GPHN: variants seen among roughly 807,000 people sequenced by gnomAD.
GPHN encodes gephyrin.
GPHN carries 17 observed loss-of-function variants against 95.5 expected under a neutral mutation model. That is an observed-to-expected ratio of 0.18 (90% CI 0.12 to 0.27). The LOEUF (loss-of-function observed/expected upper bound fraction) is 0.27, where lower values mean the gene tolerates loss of function less well. GPHN is among the 10% of genes least tolerant of loss of function. GPHN has a pLI of 1.00. For missense variants in GPHN, 660 were observed against 978.1 expected (o/e 0.67, Z 4.34); for synonymous variants, 320 against 322.5 (o/e 0.99, Z 0.08).
rs2063520997 is a variant in GPHN, at chr14:66,626,184, T to C, written c.65-54923T>C. Among the ~76,000 whole-genome samples the C allele has an allele frequency of 1.3e-5, 2 of 152,200 alleles. 1 individual carries two copies. Among genetic ancestry groups the C allele is most frequent in the South Asian group, 4.1e-4 (2 of 4,832 alleles). Reference sequence around the variant, plus strand: ...ACCATCTATTATGCTTAGATAATTATAGAGAACCAGAATCTGTTTAGCAAG... The same window carrying C: ...ACCATCTATTATGCTTAGATAATTACAGAGAACCAGAATCTGTTTAGCAAG... On this transcript the variant is annotated intron_variant, in intron 1 of 22. Coordinates refer to ENST00000478722, the MANE Select transcript of GPHN (RefSeq NM_020806.5).
At chr14:67,727,476 GTTT>G in the GPHN span, 2 of 301,752 alleles carry the variant, frequency 6.6e-6, no homozygotes. Context: ...GAGGCTTTTT[GTTT>G]TTTTTGTTTT....
the GPHN span, chr14:67,359,812 G>T: frequency 1.6e-6 from 2 of 1,235,828 alleles, no homozygotes; most frequent in Non-Finnish European, 2.3e-6. Context: ...TGTGTCACTT[G>T]ACCCCTCTTG....
At chr14:66,654,415 AT>A (rs957603053) in intron 1 of GPHN, among the ~76,000 whole-genome samples, 1 of 152,046 alleles carries the variant, frequency 6.6e-6, no homozygotes, top group African/African-American at 2.4e-5. Flanking sequence ...TTTAATTTAC[AT>A]TTTCCTAATG....
intron 11 of GPHN, among the ~76,000 whole-genome samples, chr14:67,062,839 G>T (rs2153652125): frequency 6.6e-6 from 1 of 152,282 alleles, no homozygotes; most frequent in South Asian, 2.1e-4. Context: ...CAGATGGGCA[G>T]ATTGCAAAAA....
chr14:67,459,994 ACT>A, the GPHN span, among the ~76,000 whole-genome samples: 6 of 152,136 alleles, frequency 3.9e-5, no homozygotes, highest in African/African-American at 1.4e-4. Context: ...ATTCTGGAAG[ACT>A]CTACAGTTAT....
chr14:67,468,492 G>A, the GPHN span, among the ~76,000 whole-genome samples: 5 of 152,180 alleles, frequency 3.3e-5, no homozygotes, highest in African/African-American at 7.2e-5. Flanking sequence ...CAGAAGACGT[G>A]GATGAAGTCC....
chr14:67,224,020 G>A, the GPHN span: 2 of 970,362 alleles, frequency 2.1e-6, no homozygotes, highest in Non-Finnish European at 2.5e-6. Context: ...CAAATTCCTG[G>A]CATTATTAAG....
the GPHN span, among the ~76,000 whole-genome samples, chr14:67,710,445 T>A: frequency 6.6e-6 from 1 of 152,204 alleles, no homozygotes; most frequent in Admixed American, 6.5e-5. Flanking sequence ...GTGACTTACA[T>A]AGACCTTTTG....
rs1000993519 is a variant in GPHN at position 66,673,250 on chromosome 14, G to A, written c.65-7857G>A. ...TGGGACTACCAGTGCGTGCCACCAC[G>A]CCCGGGTAATTTTTTGTATTTTTAG... On this transcript the variant is annotated intron_variant, in intron 1 of 22. Coordinates refer to ENST00000478722, the MANE Select transcript of GPHN (RefSeq NM_020806.5). 2.1e-4 allele frequency among the ~76,000 whole-genome samples: 32 copies of A among 152,042 alleles called. 1 individual carries two copies. Among genetic ancestry groups the A allele is most frequent in the South Asian group, 6.2e-4 (3 of 4,820 alleles).
the GPHN span, among the ~76,000 whole-genome samples, chr14:67,417,894 C>T: frequency 6.6e-6 from 1 of 152,074 alleles, no homozygotes; most frequent in African/African-American, 2.4e-5. Flanking sequence ...CAGGCATGCA[C>T]CACCATGCCT....
At position 66,840,970 on chromosome 14, in the gene GPHN, G is replaced by GATAGATATAGATATAGATATAGAT. The variant is rs55658047; in HGVS notation, c.294+16445_294+16468dup. Among the ~76,000 whole-genome samples the GATAGATATAGATATAGATATAGAT allele has an allele frequency of 5.8e-5, 7 of 121,374 alleles. No individual in the cohort carries two copies. The East Asian group carries it at 7.1e-4, about 12-fold the overall frequency. 79.6% of individuals were successfully genotyped at this position (121,374 alleles called of 152,430 possible). A position where few individuals can be genotyped will look rare whatever the true frequency, so the allele number is the denominator to read the frequency against. Reference sequence around the variant, plus strand: ...TCAAATATGTACTTAAAGCCTACTAGATAGATATAGATATAGATATAGATA... The same window carrying GATAGATATAGATATAGATATAGAT: ...TCAAATATGTACTTAAAGCCTACTAGATAGATATAGATATAGATATAGATATAGATATAGATATAGATATAGATA... On this transcript the variant is annotated intron_variant, in intron 4 of 22. Coordinates refer to ENST00000478722, the MANE Select transcript of GPHN (RefSeq NM_020806.5).
intron 9 of GPHN, among the ~76,000 whole-genome samples, chr14:66,989,613 T>C (rs997041463): frequency 2.1e-5 from 3 of 142,256 alleles, no homozygotes; most frequent in Admixed American, 7.1e-5. Context: ...ATATTAAATA[T>C]AAGGTGTATC....
chr14:66,767,461 AAAGAG>A (rs1394844948), intron 2 of GPHN, among the ~76,000 whole-genome samples: 4 of 151,252 alleles, frequency 2.6e-5, no homozygotes, highest in Non-Finnish European at 4.4e-5. Context: ...AAAAAAAAGA[AAAGAG>A]GGAAAATGAA....
chr14:67,304,968 T>C, the GPHN span, among the ~76,000 whole-genome samples: 1 of 152,214 alleles, frequency 6.6e-6, no homozygotes, highest in African/African-American at 2.4e-5. Context: ...TCATTCCATG[T>C]TTTCCCTTAA....
At chr14:67,165,254 T>C in intron 20 of GPHN, 28 bp downstream of exon 20, 1 of 1,539,892 alleles carries the variant, frequency 6.5e-7, no homozygotes, top group Non-Finnish European at 9.0e-7. Flanking sequence ...TTTCCTTTCC[T>C]TTTTCTGGAA....
chr14:66,694,812 G>T (rs568570520), intron 2 of GPHN, among the ~76,000 whole-genome samples: 2 of 152,280 alleles, frequency 1.3e-5, no homozygotes, highest in Admixed American at 6.5e-5. Context: ...ATCTGATAAT[G>T]TACTATTACT....
At chr14:67,473,113 T>C in the GPHN span, 4 of 371,546 alleles carry the variant, frequency 1.1e-5, no homozygotes, top group Non-Finnish European at 2.0e-5. This position sits in a 1 kb window ranked among gnomAD's most constrained non-coding sequence, Gnocchi z 6.5. Context: ...GGCCTGCTGC[T>C]TCCAAAGTCA....
the GPHN span, among the ~76,000 whole-genome samples, chr14:67,219,605 A>C: frequency 6.6e-6 from 1 of 152,240 alleles, no homozygotes; most frequent in Non-Finnish European, 1.5e-5. Flanking sequence ...TGTTAGGATG[A>C]AAAAGGCTCA....
the GPHN span, chr14:67,350,587 A>G: frequency 5.6e-6 from 9 of 1,596,348 alleles, no homozygotes; most frequent in South Asian, 2.3e-5. Context: ...TTTTGCTTCA[A>G]AACACCCCGT....
Sources: gnomAD v4.1 joint callset for allele counts (sites outside exome capture counted in the v4.1 genomes callset) on GRCh38, gnomAD v4.1.1 for gene constraint, Gnocchi (gnomAD v3.1) non-coding constraint, MANE v1.5 for transcripts, NCBI Gene and HGNC (gene_info 2026-07-23, HGNC 2026-07-21) for gene names.